Variants in ASXL1 observed in about 807,000 individuals in gnomAD.
The protein encoded by ASXL1 is ASXL transcriptional regulator 1.
ASXL1 carries 65 observed loss-of-function variants against 89.1 expected under a neutral mutation model. The observed-to-expected ratio is 0.73, with a 90% CI of 0.60 to 0.90. ASXL1 has a LOEUF of 0.90. Among genes scored for constraint, ASXL1 ranks in the 40% least tolerant of loss-of-function variants. ASXL1 has a pLI of 0.00. For synonymous variants in ASXL1, 739 were observed against 746.9 expected (o/e 0.99, Z 0.17); for missense variants, 1,786 against 1,942.9 (o/e 0.92, Z 1.52).
intron 2 of ASXL1, among the ~76,000 whole-genome samples, chr20:32,367,360 A>G (rs2048223049): frequency 1.3e-5 from 2 of 152,218 alleles, no homozygotes; most frequent in Admixed American, 6.5e-5. Context: ...AGCCTGGACA[A>G]CAGAATAAGA....
chr20:32,428,741 A>T (rs545952590), intron 6 of ASXL1: 260 of 298,922 alleles, frequency 8.7e-4, no homozygotes, highest in Non-Finnish European at 1.4e-3. Context: ...GCTTACTGCA[A>T]CCTCTGCCTC....
chr20:32,411,400 G>A (rs2049044340), intron 4 of ASXL1, among the ~76,000 whole-genome samples: 1 of 150,210 alleles, frequency 6.7e-6, no homozygotes. Context: ...GCTAATTTTT[G>A]TCTTTTTAGT....
At chr20:32,420,109 CT>C (rs541042292) in intron 4 of ASXL1, among the ~76,000 whole-genome samples, 4 of 150,304 alleles carry the variant, frequency 2.7e-5, no homozygotes, top group Non-Finnish European at 4.4e-5. Context: ...GTCTGAGTCT[CT>C]TGGATCTTTA....
chr20:32,433,681 G>T lies in ASXL1; in HGVS notation c.1483G>T (p.Asp495Tyr), dbSNP rs2123264474. 1 of 1,611,290 alleles carries T rather than the reference G, an allele frequency of 6.2e-7. No individual in the cohort carries two copies. The highest frequency in any genetic ancestry group is 8.5e-7 in the Non-Finnish European group (1 of 1,177,790). Reference sequence around the variant, plus strand: ...GGCTTCTCGGATCCAGGCTGAGCCAGACAACTTGGCACGTGCCTCTGCATC... The same window carrying T: ...GGCTTCTCGGATCCAGGCTGAGCCATACAACTTGGCACGTGCCTCTGCATC... Reference protein sequence around the residue: ...SVASRIQAEPDNLARASASPD... With the variant: ...SVASRIQAEPYNLARASASPD... The change falls in exon 12 of 13, where the codon GAC (aspartate) becomes TAC (tyrosine). Residue 495 changes from aspartate (D) to tyrosine (Y), a missense_variant. By Grantham distance (160) the Asp-to-Tyr change is radical. Around this residue, in one of 3 missense-constraint regions of ASXL1, gnomAD observed 1,418 missense variants for 1,427.8 expected, o/e 0.99. Coordinates refer to ENST00000375687, the MANE Select transcript of ASXL1 (RefSeq NM_015338.6).
At chr20:32,417,199 T>A (rs533491348) in intron 4 of ASXL1, among the ~76,000 whole-genome samples, 2 of 152,304 alleles carry the variant, frequency 1.3e-5, no homozygotes, top group East Asian at 3.9e-4. Flanking sequence ...ACACAATATA[T>A]GCATATATTA....
chr20:32,428,800 A>C (rs2123214604), intron 6 of ASXL1: 1 of 294,920 alleles, frequency 3.4e-6, no homozygotes, highest in African/African-American at 2.2e-5. Context: ...AGCTGGGATT[A>C]CAGGCACGTA....
rs747052452 is a variant in ASXL1, at chr20:32,431,500, C to T, written c.882+16C>T. 2.3e-5 allele frequency: 37 copies of T among 1,614,036 alleles called. No individual in the cohort carries two copies. The highest frequency in any genetic ancestry group is 1.8e-5 in the Non-Finnish European group (21 of 1,180,034). On this transcript the variant is annotated intron_variant, in intron 9 of 12. Transcript: ENST00000375687. ...AGACAGACAGGTGCACATGGGCAGC[C>T]TCCCCTTTGCCTCTCTCTGGGTGGG...
chr20:32,437,134 G>A lies in ASXL1; in HGVS notation c.4422G>A (p.Leu1474=), dbSNP rs201570802. 6.2e-7 allele frequency: 1 copy of A among 1,614,060 alleles called. No homozygotes were observed. The highest frequency in any genetic ancestry group is 8.5e-7 in the Non-Finnish European group (1 of 1,180,038). Residue 1474 remains leucine, a synonymous_variant, in exon 13 of 13, where the codon CTG becomes CTA. Coordinates refer to ENST00000375687, the MANE Select transcript of ASXL1 (RefSeq NM_015338.6). ...PKGLAGSVVQ[L]SHKANFGASH... is the part of the protein sequence containing the mutation. ...GCCTTGCTGGAAGTGTGGTGCAGCT[G>A]AGCCACAAAGCAAACTTTGGTGCGA...
At chr20:32,406,473 C>T (rs2048957633) in intron 4 of ASXL1, among the ~76,000 whole-genome samples, 1 of 152,118 alleles carries the variant, frequency 6.6e-6, no homozygotes, top group Non-Finnish European at 1.5e-5. Flanking sequence ...ATCACTTGAG[C>T]CCAGGAGGTC....
At chr20:32,426,559 T>TC (rs1216099944) in intron 4 of ASXL1, among the ~76,000 whole-genome samples, 12 of 108,578 alleles carry the variant, frequency 1.1e-4, no homozygotes, top group Admixed American at 7.2e-4. Flanking sequence ...TCTTTCTTTT[T>TC]TTTTTTTTTT....
chr20:32,369,984 G>T (rs1026830526), intron 4 of ASXL1, among the ~76,000 whole-genome samples: 1 of 152,054 alleles, frequency 6.6e-6, no homozygotes, highest in Non-Finnish European at 1.5e-5. Flanking sequence ...CTCCCAAAGT[G>T]CTGGGATTAC....
In ASXL1 at chr20:32,431,188, C is replaced by G. The variant is rs1211158480; in HGVS notation, c.719-133C>G. On this transcript the variant is annotated intron_variant, in intron 8 of 12. Transcript: ENST00000375687. ...GAAAGAATATACAGGTTAGGATGGA[C>G]TGGACAATTGAGCAGATTGTGTGCA... The G allele has an allele frequency of 3.7e-6, 4 of 1,070,892 alleles. No individual in the cohort carries two copies. The African/African-American group carries it at 4.7e-5, about 13-fold the overall frequency. The allele number at this position is 1,070,892 out of a possible 1,614,324, so 66.3% of individuals were successfully genotyped here.
In ASXL1 at chr20:32,429,744, C is replaced by A. The variant is rs1388850559; in HGVS notation, c.566-157C>A. 5.7e-6 allele frequency: 6 copies of A among 1,060,246 alleles called. No homozygotes were observed. The highest frequency in any genetic ancestry group is 2.4e-5 in the Admixed American group (1 of 41,138). 65.7% of individuals were successfully genotyped at this position (1,060,246 alleles called of 1,614,324 possible). A position where few individuals can be genotyped will look rare whatever the true frequency, so the allele number is the denominator to read the frequency against. On this transcript the variant is annotated intron_variant, in intron 7 of 12. Coordinates refer to ENST00000375687, the MANE Select transcript of ASXL1 (RefSeq NM_015338.6). This position sits in a 1 kb window ranked among gnomAD's most constrained non-coding sequence, Gnocchi z 4.9. ...TGTAAGGTGATATTTTAAAGCCAGACCATGAAGTGGTGGTTTCTCTCAGCC... is the reference window on the plus strand; with the variant it reads ...TGTAAGGTGATATTTTAAAGCCAGAACATGAAGTGGTGGTTTCTCTCAGCC...
At chr20:32,391,347 A>G (rs922507783) in intron 4 of ASXL1, among the ~76,000 whole-genome samples, 6 of 152,138 alleles carry the variant, frequency 3.9e-5, no homozygotes, top group African/African-American at 7.2e-5. Flanking sequence ...GTAAGTTTCT[A>G]TGTGGACATA....
In ASXL1 at chr20:32,430,022, G is replaced by A. The variant is rs201432996; in HGVS notation, c.687G>A (p.Pro229=). 8.7e-6 allele frequency: 14 copies of A among 1,607,042 alleles called. No homozygotes were observed. The highest frequency in any genetic ancestry group is 6.7e-5 in the East Asian group (3 of 44,880). Residue 229 remains proline (P), a synonymous_variant, in exon 8 of 13, where the codon CCG becomes CCA. Coordinates refer to ENST00000375687, the MANE Select transcript of ASXL1 (RefSeq NM_015338.6). Reference sequence around the variant, plus strand: ...CCGAGGTCACCCAGGACCCTGCCCCGCTCCTGAGAGGCTTCCGGAAGCCAG... The same window carrying A: ...CCGAGGTCACCCAGGACCCTGCCCCACTCCTGAGAGGCTTCCGGAAGCCAG... ...GQAEVTQDPA[P]LLRGFRKPAT... is the part of the protein sequence containing the mutation.
intron 4 of ASXL1, among the ~76,000 whole-genome samples, chr20:32,372,932 T>C (rs928562038): frequency 8.8e-5 from 13 of 148,152 alleles, no homozygotes; most frequent in Non-Finnish European, 1.5e-5. Flanking sequence ...ATACTGTTTA[T>C]GATTTTCTTT....
At chr20:32,428,633 C>T (rs2011410952) in intron 6 of ASXL1, 9 of 285,188 alleles carry the variant, frequency 3.2e-5, no homozygotes, top group South Asian at 1.3e-4. Flanking sequence ...TTTACCTTGG[C>T]TGAGTGATTT....
chr20:32,431,813 A>G, intron 10 of ASXL1, 134 bp downstream of exon 10: 1 of 927,450 alleles, frequency 1.1e-6, no homozygotes, highest in Non-Finnish European at 1.7e-6. Flanking sequence ...CCTCATTACT[A>G]ATAAATGTGG....
chr20:32,376,214 A>G (rs2048375082), intron 4 of ASXL1, among the ~76,000 whole-genome samples: 1 of 152,020 alleles, frequency 6.6e-6, no homozygotes, highest in Non-Finnish European at 1.5e-5. Flanking sequence ...ATGGACAGGA[A>G]GACACCAGTT....
Sources: allele counts gnomAD v4.1 joint callset (sites outside exome capture counted in the v4.1 genomes callset), GRCh38; gene constraint gnomAD v4.1.1; regional missense constraint gnomAD v4.1.1; non-coding constraint Gnocchi (gnomAD v3.1); transcripts MANE v1.5; gene names NCBI Gene and HGNC (gene_info 2026-07-23, HGNC 2026-07-21).